Variants in PCSK6 observed in about 807,000 individuals in gnomAD.
PCSK6 encodes the protein proprotein convertase subtilisin/kexin type 6.
A neutral mutation model predicts 123.3 loss-of-function variants in PCSK6; 85 were observed. The ratio of observed to expected loss-of-function variants is 0.69; its 90% CI spans 0.58 to 0.83. PCSK6 has a LOEUF of 0.83. Ranked by LOEUF, PCSK6 falls within the 40% of genes least tolerant of loss-of-function variation. PCSK6 has a pLI of 0.00. For missense variants in PCSK6, 1,191 were observed against 1,282.3 expected, an observed-to-expected ratio of 0.93 and a Z score of 1.09; for synonymous variants, 508 against 516.0, an observed-to-expected ratio of 0.98 and a Z score of 0.21.
At chr15:101,435,898 T>C (rs1289778008) in intron 2 of PCSK6, among the ~76,000 whole-genome samples, 1 of 152,054 alleles carries the variant, frequency 6.6e-6, no homozygotes, top group Non-Finnish European at 1.5e-5. Context: ...TGCCACCGAG[T>C]TGTGATCCTT....
In PCSK6 at chr15:101,346,566, G is replaced by A. The variant is rs529223970; in HGVS notation, c.1859-14535C>T. 1.5e-5 allele frequency: 5 copies of A among 327,804 alleles called. No homozygotes were observed. The East Asian group carries it at 1.9e-4, about 13-fold the overall frequency. The allele number at this position is 327,804 out of a possible 1,614,324, so 20.3% of individuals were successfully genotyped here. The stretch of plus-strand genomic sequence containing the variant: ...CTGGAAATAGGTAATAAAGTCAAAT[G>A]TTCGAAAATCAAACACACTTATCTA... On this transcript the variant is annotated intron_variant, in intron 13 of 21. Coordinates refer to ENST00000611716, the MANE Select transcript of PCSK6 (RefSeq NM_002570.5).
chr15:101,398,401 C>T lies in PCSK6; in HGVS notation c.996+3G>A. The T allele has an allele frequency of 2.5e-6, 4 of 1,605,694 alleles. No individual in the cohort carries two copies. Among genetic ancestry groups the T allele is most frequent in the South Asian group, 1.1e-5 (1 of 90,568 alleles). On this transcript the variant is annotated splice_donor_region_variant and intron_variant, in intron 7 of 21. Coordinates refer to ENST00000611716, the MANE Select transcript of PCSK6 (RefSeq NM_002570.5). The surrounding 1 kb of genome is among the most constrained non-coding windows in gnomAD (Gnocchi z 4.6). Reference sequence around the variant, plus strand: ...GCTCCCCTGTAGCCCTGGTTACTCACACCTTTTTAATGCCATACTCGAAAG... The same window carrying T: ...GCTCCCCTGTAGCCCTGGTTACTCATACCTTTTTAATGCCATACTCGAAAG...
At chr15:101,409,386 C>T (rs1469844791) in intron 6 of PCSK6, among the ~76,000 whole-genome samples, 1 of 152,092 alleles carries the variant, frequency 6.6e-6, no homozygotes, top group Non-Finnish European at 1.5e-5. Flanking sequence ...GAGATCGAGA[C>T]CATCCTGGCT....
In PCSK6 at chr15:101,437,834, T is replaced by C. The variant is rs923166635; in HGVS notation, c.402+5722A>G. 4.6e-5 allele frequency among the ~76,000 whole-genome samples: 7 copies of C among 152,202 alleles called. No individual in the cohort carries two copies. The South Asian group carries it at 1.2e-3, about 27-fold the overall frequency. Reference sequence around the variant, plus strand: ...GGCAGCTGGAGCCCAGCTTCACCTATTGTTAGGGGCTGACCTGTGAACCCC... The same window carrying C: ...GGCAGCTGGAGCCCAGCTTCACCTACTGTTAGGGGCTGACCTGTGAACCCC... On this transcript the variant is annotated intron_variant, in intron 2 of 21. Coordinates refer to ENST00000611716, the MANE Select transcript of PCSK6 (RefSeq NM_002570.5).
At chr15:101,483,299 A>G (rs2057937409) in intron 1 of PCSK6, among the ~76,000 whole-genome samples, 1 of 152,238 alleles carries the variant, frequency 6.6e-6, no homozygotes, top group Admixed American at 6.5e-5. Context: ...TGCAAGAACA[A>G]GTTGTCTGCA....
At chr15:101,423,647 A>G (rs2056157248) in intron 6 of PCSK6, among the ~76,000 whole-genome samples, 1 of 152,190 alleles carries the variant, frequency 6.6e-6, no homozygotes. Flanking sequence ...TTCCATTCGA[A>G]GCAGAGAAAA....
At chr15:101,426,251 C>T (rs1372181070) in intron 6 of PCSK6, among the ~76,000 whole-genome samples, 1 of 152,224 alleles carries the variant, frequency 6.6e-6, no homozygotes, top group East Asian at 1.9e-4. Context: ...ACTTCATCCT[C>T]ATAACAAAAC....
chr15:101,322,701 T>C (rs1596180874), intron 17 of PCSK6, 94 bp from the exon 18 acceptor site: 1 of 787,884 alleles, frequency 1.3e-6, no homozygotes, highest in Middle Eastern at 2.2e-4. Flanking sequence ...AAAGCGGGGG[T>C]GCGGGTGGGC....
intron 5 of PCSK6, among the ~76,000 whole-genome samples, chr15:101,428,621 CTGA>C (rs1419099462): frequency 6.6e-6 from 1 of 152,238 alleles, no homozygotes; most frequent in Non-Finnish European, 1.5e-5. Flanking sequence ...ACCCCATTCT[CTGA>C]TGTGCCACGT....
chr15:101,350,911 G>A (rs888616983), intron 13 of PCSK6, among the ~76,000 whole-genome samples: 16 of 152,212 alleles, frequency 1.1e-4, no homozygotes, highest in African/African-American at 3.6e-4. Context: ...GAACCTTTGT[G>A]AGCTGGTTGT....
intron 6 of PCSK6, among the ~76,000 whole-genome samples, chr15:101,419,713 C>A (rs116302135): frequency 0.016 from 2,421 of 151,752 alleles, 63 homozygotes; most frequent in African/African-American, 0.054. Flanking sequence ...TGTAATAATT[C>A]AAAGCGTGGT....
chr15:101,488,790 G>C (rs2141288059), intron 1 of PCSK6, among the ~76,000 whole-genome samples: 1 of 151,726 alleles, frequency 6.6e-6, no homozygotes, highest in East Asian at 2.0e-4. Flanking sequence ...CAGGGTGCAG[G>C]CTCCCGGCCA....
At chr15:101,329,405 G>A (rs554874711) in intron 15 of PCSK6, among the ~76,000 whole-genome samples, 1 of 152,326 alleles carries the variant, frequency 6.6e-6, no homozygotes, top group African/African-American at 2.4e-5. Context: ...TATCGGACCC[G>A]AGAGGCATGC....
At chr15:101,387,189 G>T (rs554486834) in intron 9 of PCSK6, among the ~76,000 whole-genome samples, 2 of 152,308 alleles carry the variant, frequency 1.3e-5, no homozygotes, top group African/African-American at 4.8e-5. Flanking sequence ...GCATCCACTG[G>T]CCTTCCTGCG....
At chr15:101,469,902 G>C (rs2057562457) in intron 1 of PCSK6, among the ~76,000 whole-genome samples, 1 of 152,228 alleles carries the variant, frequency 6.6e-6, no homozygotes, top group African/African-American at 2.4e-5. Flanking sequence ...CTGACTCCAA[G>C]GCCTGACGCT....
intron 1 of PCSK6, among the ~76,000 whole-genome samples, chr15:101,463,889 T>C (rs1374016155): frequency 6.6e-6 from 1 of 152,056 alleles, no homozygotes; most frequent in African/African-American, 2.4e-5. Context: ...TTGAAAGCTA[T>C]AAACATTCAA....
chr15:101,420,174 G>C (rs1025810096), intron 6 of PCSK6, among the ~76,000 whole-genome samples: 13 of 138,826 alleles, frequency 9.4e-5, no homozygotes, highest in African/African-American at 2.8e-4. Flanking sequence ...CTGGGTGACA[G>C]AGTGAGATTC....
chr15:101,444,158 T>C (rs1483770450), intron 1 of PCSK6, among the ~76,000 whole-genome samples: 1 of 152,162 alleles, frequency 6.6e-6, no homozygotes. Flanking sequence ...TGGATCCATC[T>C]GCTTGGGGAT....
intron 2 of PCSK6, among the ~76,000 whole-genome samples, chr15:101,434,430 T>G (rs1273827824): frequency 6.6e-6 from 1 of 152,164 alleles, no homozygotes; most frequent in East Asian, 1.9e-4. Flanking sequence ...ACTAATCAGC[T>G]GGGAGATGTG....
Sources: allele counts gnomAD v4.1 joint callset (sites outside exome capture counted in the v4.1 genomes callset), GRCh38; gene constraint gnomAD v4.1.1; non-coding constraint Gnocchi (gnomAD v3.1); transcripts MANE v1.5; gene names NCBI Gene and HGNC (gene_info 2026-07-23, HGNC 2026-07-21).